Variants in FAM120C observed in about 807,000 individuals in gnomAD.
FAM120C encodes constitutive coactivator of PPAR-gamma-like protein 2.
Under a neutral mutation model 71.2 loss-of-function variants are expected in FAM120C, and 14 were observed. The ratio of observed to expected loss-of-function variants is 0.20; its 90% CI spans 0.13 to 0.31. The LOEUF is 0.31. FAM120C is among the 10% of genes least tolerant of loss of function. The pLI, the probability that FAM120C is intolerant of heterozygous loss-of-function variation, is 1.00. For missense variants in FAM120C, 500 were observed against 879.0 expected, an observed-to-expected ratio of 0.57 and a Z score of 5.45; for synonymous variants, 354 against 353.2, an observed-to-expected ratio of 1.00 and a Z score of -0.03.
At chrX:54,114,017 T>C (rs1366448669) in intron 10 of FAM120C, among the ~76,000 whole-genome samples, 1 of 98,487 alleles carries the variant, frequency 1.0e-5, no homozygotes, top group African/African-American at 3.8e-5. Context: ...CATCAATGAA[T>C]GAATGATTAA....
chrX:54,078,004 C>T (rs1022612221), intron 15 of FAM120C, among the ~76,000 whole-genome samples: 14 of 84,988 alleles, frequency 1.6e-4, no homozygotes, highest in Non-Finnish European at 2.6e-4. Context: ...AGTGCAGTGG[C>T]GCGATCTCGG....
intron 10 of FAM120C, among the ~76,000 whole-genome samples, chrX:54,100,456 G>A (rs1381487241): frequency 9.0e-6 from 1 of 111,334 alleles, no homozygotes; most frequent in African/African-American, 3.3e-5. Context: ...TTGTGCAACT[G>A]CACTCCAGCC....
chrX:54,081,240 T>A, intron 14 of FAM120C, 82 bp downstream of exon 14: 2 of 992,634 alleles, frequency 2.0e-6, no homozygotes, highest in East Asian at 6.4e-5. Flanking sequence ...AATAGAAGGA[T>A]TTAATACCTA....
chrX:54,080,588 G>A (rs992489541), intron 14 of FAM120C, among the ~76,000 whole-genome samples: 2 of 111,788 alleles, frequency 1.8e-5, no homozygotes, highest in East Asian at 2.8e-4. Context: ...GGCCGGGCGC[G>A]GTGGCTCACA....
intron 10 of FAM120C, among the ~76,000 whole-genome samples, chrX:54,094,242 T>C (rs1292088802): frequency 9.2e-6 from 1 of 108,616 alleles, no homozygotes; most frequent in Non-Finnish European, 1.9e-5. Context: ...GGACTATAGG[T>C]GCCTGCCACC....
At position 54,182,779 on chromosome X, in the gene FAM120C, G is replaced by A; in HGVS notation, c.420C>T (p.Gly140=). The stretch of plus-strand genomic sequence containing the variant: ...AGCCCAGCATGGCGTTCCATTGGCC[G>A]CCACACACCCAATCCGTCTGGTAGC... ...YGGYQTDWVC[G]GQWNAMLGYL... Residue 140 remains glycine (G), a synonymous_variant, in exon 1 of 16, where the codon GGC becomes GGT. Coordinates refer to ENST00000375180, the MANE Select transcript of FAM120C (RefSeq NM_017848.6). 2 of 1,206,157 alleles carry A rather than the reference G, an allele frequency of 1.7e-6. No individual in the cohort carries two copies. Among genetic ancestry groups the A allele is most frequent in the African/African-American group, 3.5e-5 (2 of 57,582 alleles).
chrX:54,099,458 A>T (rs983238587), intron 10 of FAM120C, among the ~76,000 whole-genome samples: 8 of 111,854 alleles, frequency 7.2e-5, no homozygotes, highest in Non-Finnish European at 1.3e-4. Context: ...CTTTATTTGT[A>T]GTCTTGTTTC....
At chrX:54,173,803 T>A (rs2067301869) in intron 1 of FAM120C, 1 of 226,951 alleles carries the variant, frequency 4.4e-6, no homozygotes, top group African/African-American at 2.8e-5. Flanking sequence ...GTGTTTCAGT[T>A]ATCTATTTCT....
In FAM120C at chrX:54,072,565, G is replaced by GAAA; in HGVS notation, c.*465_*467dup. The stretch of plus-strand genomic sequence containing the variant: ...GAAGAGGTAGATACCACTTCATAGA[G>GAAA]AAAAAAAAAAAACAAAAAAAAACCT... On this transcript the variant is annotated 3_prime_UTR_variant, in exon 16 of 16. Transcript: ENST00000375180. 1.2e-5 allele frequency: 1 copy of GAAA among 85,655 alleles called. No individual in the cohort carries two copies. Among genetic ancestry groups the GAAA allele is most frequent in the Non-Finnish European group, 2.3e-5 (1 of 42,908 alleles). 7.1% of individuals were successfully genotyped at this position (85,655 alleles called of 1,213,427 possible).
intron 11 of FAM120C, among the ~76,000 whole-genome samples, chrX:54,089,902 T>C (rs1557122432): frequency 9.2e-6 from 1 of 108,752 alleles, no homozygotes; most frequent in Non-Finnish European, 1.9e-5. Flanking sequence ...GAGGTTGTGG[T>C]GAGCCGAGAT....
chrX:54,118,699 C>CTTTTTTTTTTTTTTTTTTTT (rs1187381929), intron 9 of FAM120C, among the ~76,000 whole-genome samples: 1 of 31,723 alleles, frequency 3.2e-5, no homozygotes, highest in Non-Finnish European at 5.5e-5. Context: ...TTCTTTTTTT[C>CTTTTTTTTTTTTTTTTTTTT]TTTTTTTTTT....
chrX:54,078,154 A>G (rs1359950308), intron 15 of FAM120C, among the ~76,000 whole-genome samples: 3 of 105,578 alleles, frequency 2.8e-5, no homozygotes, highest in East Asian at 3.0e-4. Flanking sequence ...CTTGTTAGCC[A>G]GGATGGTCTC....
At chrX:54,134,088 T>C (rs781994498) in intron 7 of FAM120C, 42 bp from the exon 8 acceptor site, 3 of 1,160,389 alleles carry the variant, frequency 2.6e-6, no homozygotes, top group Middle Eastern at 2.4e-4. Context: ...AAAAGGGAGA[T>C]TGATAAAGAT....
At chrX:54,088,039 T>C in intron 11 of FAM120C, 75 bp from the exon 12 acceptor site, 1 of 868,819 alleles carries the variant, frequency 1.2e-6, no homozygotes, top group Non-Finnish European at 1.6e-6. Flanking sequence ...ATTCCTGTCA[T>C]GCTGATTCTT....
chrX:54,154,918 G>A (rs2067202158), intron 3 of FAM120C, among the ~76,000 whole-genome samples: 1 of 110,822 alleles, frequency 9.0e-6, no homozygotes, highest in Non-Finnish European at 1.9e-5. Flanking sequence ...AAAAGAGAAG[G>A]GGCCGGGCAT....
chrX:54,150,921 G>T (rs2067181638), intron 4 of FAM120C, among the ~76,000 whole-genome samples: 1 of 108,727 alleles, frequency 9.2e-6, no homozygotes, highest in Admixed American at 1.0e-4. Context: ...CATCATGTTG[G>T]CCAGGCTGGT....
chrX:54,145,707 T>A (rs1250001554), intron 4 of FAM120C, among the ~76,000 whole-genome samples: 2 of 112,034 alleles, frequency 1.8e-5, no homozygotes, highest in African/African-American at 6.5e-5. Flanking sequence ...ACACTGTTGG[T>A]GGGACTGGAA....
intron 4 of FAM120C, among the ~76,000 whole-genome samples, chrX:54,144,591 A>G (rs147425866): frequency 0.028 from 3,101 of 111,316 alleles, 121 homozygotes; most frequent in African/African-American, 0.097. Flanking sequence ...TAAAATACCT[A>G]GGAATCCAAT....
rs112501962 is a variant in FAM120C at position 54,144,821 on chromosome X, A to G, written c.1158+6424T>C. On this transcript the variant is annotated intron_variant, in intron 4 of 15. Coordinates refer to ENST00000375180, the MANE Select transcript of FAM120C (RefSeq NM_017848.6). Reference sequence around the variant, plus strand: ...ACAGAATTGGAAAAAACTACCTTAAATTTCATATGGAATCAAAAAAGAGCC... The same window carrying G: ...ACAGAATTGGAAAAAACTACCTTAAGTTTCATATGGAATCAAAAAAGAGCC... Among the ~76,000 whole-genome samples the G allele has an allele frequency of 7.6e-4, 85 of 111,727 alleles. 1 individual carries two copies. The highest frequency in any genetic ancestry group is 2.6e-3 in the African/African-American group (79 of 30,827).
Sources: gnomAD v4.1 joint callset for allele counts (sites outside exome capture counted in the v4.1 genomes callset) on GRCh38, gnomAD v4.1.1 for gene constraint, MANE v1.5 for transcripts, NCBI Gene and HGNC (gene_info 2026-07-23, HGNC 2026-07-21) for gene names.